Variants in GON4L observed in about 807,000 individuals in gnomAD.
GON4L encodes GON-4-like protein.
Under a neutral mutation model 211.8 loss-of-function variants are expected in GON4L, and 87 were observed. That is an observed-to-expected ratio of 0.41 (90% confidence interval 0.35 to 0.49). The LOEUF (loss-of-function observed/expected upper bound fraction) is 0.49, where lower values mean the gene tolerates loss of function less well. GON4L is among the 20% of genes least tolerant of loss of function. The pLI is 0.15. For missense variants in GON4L, 2,155 were observed against 2,659.5 expected (o/e 0.81, Z 4.17); for synonymous variants, 875 against 962.6 (o/e 0.91, Z 1.68).
intron 10 of GON4L, among the ~76,000 whole-genome samples, chr1:155,810,005 T>TATAATTATAAATTATATAC (rs1557886244): frequency 1.5e-5 from 2 of 137,896 alleles, no homozygotes; most frequent in Admixed American, 8.0e-5. Flanking sequence ...TATATATATA[T>TATAATTATAAATTATATAC]ATATTTTTGA....
At chr1:155,755,107 T>C (rs7550402) in intron 27 of GON4L, among the ~76,000 whole-genome samples, 66,580 of 143,238 alleles carry the variant, frequency 0.46, 17,489 homozygotes, top group African/African-American at 0.72. Context: ...GTCTCGCTCT[T>C]TCTCCCAGGC....
intron 21 of GON4L, chr1:155,764,694 C>T: frequency 1.4e-6 from 1 of 717,510 alleles, no homozygotes; most frequent in Non-Finnish European, 2.3e-6. Flanking sequence ...CCACCTCAGC[C>T]TCCCAAAGTG....
chr1:155,790,660 GT>G (rs1424066564), intron 12 of GON4L, among the ~76,000 whole-genome samples: 1 of 151,864 alleles, frequency 6.6e-6, no homozygotes, highest in Non-Finnish European at 1.5e-5. Context: ...ACTACTGAAA[GT>G]TTGGCCGGGC....
In GON4L at chr1:155,762,250, G is replaced by C; in HGVS notation, c.4851C>G (p.Leu1617=). The change falls in exon 23 of 32, where the codon CTC becomes CTG. Residue 1617 remains leucine (L), a synonymous_variant. Transcript: ENST00000368331. ...KLLLLYDEDI[L]ERDPLREQKD... is the part of the protein sequence containing the mutation. The stretch of plus-strand genomic sequence containing the variant: ...TCTGCTCCCTGAGTGGATCTCGCTC[G>C]AGAATGTCCTCATCATACAGCAACA... The C allele has an allele frequency of 6.2e-7, 1 of 1,612,556 alleles. No homozygotes were observed. The highest frequency in any genetic ancestry group is 8.5e-7 in the Non-Finnish European group (1 of 1,179,342).
chr1:155,784,123 G>T (rs753878889), intron 13 of GON4L, 34 bp from the exon 14 acceptor site: 1 of 1,611,000 alleles, frequency 6.2e-7, no homozygotes, highest in Non-Finnish European at 8.5e-7. Context: ...TTTTCCTGGG[G>T]AATGGGCCTC....
At chr1:155,852,480 C>T (rs1317909691) in intron 2 of GON4L, among the ~76,000 whole-genome samples, 6 of 152,110 alleles carry the variant, frequency 3.9e-5, no homozygotes, top group Non-Finnish European at 5.9e-5. Context: ...CAGTGGCTCA[C>T]GCTTGTAATC....
At chr1:155,801,086 TC>T (rs1230484438) in intron 11 of GON4L, among the ~76,000 whole-genome samples, 3 of 133,264 alleles carry the variant, frequency 2.3e-5, no homozygotes, top group African/African-American at 8.3e-5. Context: ...GTTCTTTAAC[TC>T]TTCACAATAA....
chr1:155,822,662 T>C (rs1243192000), intron 3 of GON4L, among the ~76,000 whole-genome samples, 186 bp from the exon 4 acceptor site: 3 of 152,180 alleles, frequency 2.0e-5, no homozygotes, highest in Admixed American at 2.0e-4. Flanking sequence ...GATGCAAAAC[T>C]ATGGAAATAG....
At chr1:155,827,108 G>T in intron 2 of GON4L, 80 bp from the exon 3 acceptor site, 2 of 1,033,978 alleles carry the variant, frequency 1.9e-6, no homozygotes, top group Non-Finnish European at 3.1e-6. Flanking sequence ...TCTTATTATA[G>T]TGTTTTTAGG....
chr1:155,782,653 T>C (rs1162129832), intron 14 of GON4L, among the ~76,000 whole-genome samples: 1 of 152,066 alleles, frequency 6.6e-6, no homozygotes, highest in Admixed American at 6.6e-5. Context: ...TTTCTATACT[T>C]TACAAATTTT....
At chr1:155,833,526 G>C (rs143232725) in intron 2 of GON4L, among the ~76,000 whole-genome samples, 2,914 of 150,274 alleles carry the variant, frequency 0.019, 95 homozygotes, top group African/African-American at 0.068. Context: ...GGTGCCTGTA[G>C]TCCCAGCTAC....
Position 155,802,876 on chromosome 1 carries a change from C to T in GON4L, c.1645+2073G>A, listed in dbSNP as rs116647320. On this transcript the variant is annotated intron_variant, in intron 11 of 31. Transcript: ENST00000368331. The stretch of plus-strand genomic sequence containing the variant: ...AAGGCTGAGGTGGGAGAATTGCTTG[C>T]GCCAAGGAGGTCAAGGCTGCAGTGA... Among the ~76,000 whole-genome samples, 1,128 of 152,200 alleles carry T rather than the reference C, an allele frequency of 7.4e-3. 6 individuals are homozygous for T. Among genetic ancestry groups the T allele is most frequent in the Middle Eastern group, 0.014 (4 of 294 alleles).
At chr1:155,830,426 C>T (rs559974660) in intron 2 of GON4L, among the ~76,000 whole-genome samples, 3 of 147,350 alleles carry the variant, frequency 2.0e-5, no homozygotes, top group Non-Finnish European at 3.0e-5. Context: ...TATAGGCATG[C>T]ACCACCACGC....
At chr1:155,815,926 T>A (rs1048289598) in intron 7 of GON4L, 26 bp from the exon 8 acceptor site, 19 of 1,297,506 alleles carry the variant, frequency 1.5e-5, no homozygotes, top group Admixed American at 5.1e-5. Flanking sequence ...TAGAAAGAAA[T>A]GAAGTAATGG....
chr1:155,797,414 C>A (rs891182044), intron 11 of GON4L, among the ~76,000 whole-genome samples: 1 of 151,754 alleles, frequency 6.6e-6, no homozygotes, highest in Non-Finnish European at 1.5e-5. Context: ...CAGAGTCTGG[C>A]GCCTCTTCCA....
intron 12 of GON4L, among the ~76,000 whole-genome samples, chr1:155,791,868 C>CA (rs1046924723): frequency 7.6e-6 from 1 of 130,938 alleles, no homozygotes; most frequent in East Asian, 2.2e-4. Flanking sequence ...AACTCCATCT[C>CA]AAAAATAACA....
chr1:155,766,680 C>T lies in GON4L; in HGVS notation c.2793G>A (p.Leu931=). The change falls in exon 21 of 32, where the codon CTG becomes CTA. Residue 931 remains leucine (L), a synonymous_variant. Transcript: ENST00000368331. ...KASLPSIQEE[L]RHMADGAREV... is the part of the protein sequence containing the mutation. The stretch of plus-strand genomic sequence containing the variant: ...CTCTAGCACCATCAGCCATGTGCCG[C>T]AGTTCTTCCTGGATGGATGGCAGAC... 6.2e-7 allele frequency: 1 copy of T among 1,614,226 alleles called. No homozygotes were observed. The highest frequency in any genetic ancestry group is 8.5e-7 in the Non-Finnish European group (1 of 1,180,042).
chr1:155,812,263 G>A (rs1163796726), intron 10 of GON4L, among the ~76,000 whole-genome samples: 1 of 152,002 alleles, frequency 6.6e-6, no homozygotes, highest in Non-Finnish European at 1.5e-5. Flanking sequence ...TGTAACAAAA[G>A]TGCAAAACCT....
intron 23 of GON4L, among the ~76,000 whole-genome samples, chr1:155,761,851 C>A (rs1661840448): frequency 6.6e-6 from 1 of 152,086 alleles, no homozygotes; most frequent in Admixed American, 6.6e-5. Context: ...GCCAGTGTAC[C>A]CACTATCTTT....
Sources: allele counts gnomAD v4.1 joint callset (sites outside exome capture counted in the v4.1 genomes callset), GRCh38; gene constraint gnomAD v4.1.1; transcripts MANE v1.5; gene names NCBI Gene and HGNC (gene_info 2026-07-23, HGNC 2026-07-21).